YEATS4: variants seen among roughly 807,000 people sequenced by gnomAD.
The protein encoded by YEATS4 is YEATS domain-containing protein 4.
Under a neutral mutation model 30.1 loss-of-function variants are expected in YEATS4, and 17 were observed. That is an observed-to-expected ratio of 0.56 (90% CI 0.39 to 0.85). The LOEUF is 0.85. Ranked by LOEUF, YEATS4 falls within the 40% of genes least tolerant of loss-of-function variation. The probability of loss-of-function intolerance (pLI) is 0.00; values close to 1 mark genes in which losing one functional copy is unlikely to be tolerated. For missense variants in YEATS4, 142 were observed against 268.3 expected, an observed-to-expected ratio of 0.53 and a Z score of 3.29; for synonymous variants, 85 against 87.5, an observed-to-expected ratio of 0.97 and a Z score of 0.16.
At chr12:69,364,313 A>G (rs560219364) in intron 2 of YEATS4, 2 of 267,486 alleles carry the variant, frequency 7.5e-6, no homozygotes, top group Admixed American at 4.8e-5. Flanking sequence ...TCATTATAGT[A>G]AGATTCCAGT....
chr12:69,400,360 C>T, the YEATS4 span, among the ~76,000 whole-genome samples: 2 of 151,930 alleles, frequency 1.3e-5, no homozygotes, highest in African/African-American at 2.4e-5. Context: ...GTTTCCATTA[C>T]ATATCTAATA....
chr12:69,419,504 G>A, the YEATS4 span, among the ~76,000 whole-genome samples: 1 of 152,116 alleles, frequency 6.6e-6, no homozygotes, highest in Admixed American at 6.5e-5. Flanking sequence ...TTACAGGTGT[G>A]AGCCACCACC....
chr12:69,367,187 C>T (rs529547560), intron 4 of YEATS4, among the ~76,000 whole-genome samples: 16 of 152,254 alleles, frequency 1.1e-4, no homozygotes, highest in South Asian at 6.2e-4. Context: ...AGCTGTACTT[C>T]GTTACGCTTC....
chr12:69,421,299 A>G, the YEATS4 span, among the ~76,000 whole-genome samples: 1 of 152,262 alleles, frequency 6.6e-6, no homozygotes, highest in Non-Finnish European at 1.5e-5. Context: ...TGAGAAGGTT[A>G]TCAATGAACA....
At chr12:69,383,250 CAAG>C (rs1019041710) in intron 6 of YEATS4, among the ~76,000 whole-genome samples, 6 of 151,388 alleles carry the variant, frequency 4.0e-5, no homozygotes, top group African/African-American at 1.5e-4. Flanking sequence ...AACAATACAA[CAAG>C]ATTCTGTCTC....
the YEATS4 span, among the ~76,000 whole-genome samples, chr12:69,398,428 T>C: frequency 6.6e-6 from 1 of 151,886 alleles, no homozygotes; most frequent in South Asian, 2.1e-4. Context: ...AATCTGAAAA[T>C]AAAAATTTTA....
At chr12:69,364,232 C>T (rs1042957424) in intron 2 of YEATS4, 5 of 438,508 alleles carry the variant, frequency 1.1e-5, no homozygotes, top group East Asian at 1.5e-4. Flanking sequence ...GCGGGAGGAT[C>T]GCTTGAGCCC....
chr12:69,376,785 C>A (rs1875891087), intron 6 of YEATS4, among the ~76,000 whole-genome samples: 1 of 151,994 alleles, frequency 6.6e-6, no homozygotes, highest in South Asian at 2.1e-4. Flanking sequence ...GGTATTAGTT[C>A]TTCTTCAAAT....
the YEATS4 span, among the ~76,000 whole-genome samples, chr12:69,425,241 C>A: frequency 6.6e-6 from 1 of 152,132 alleles, no homozygotes; most frequent in Non-Finnish European, 1.5e-5. Context: ...GTATTTATTA[C>A]AATAAATTGT....
chr12:69,362,753 A>G (rs1230114388), intron 1 of YEATS4, 35 bp from the exon 2 acceptor site: 1 of 1,528,102 alleles, frequency 6.5e-7, no homozygotes, highest in Admixed American at 1.9e-5. Context: ...CTAATGGTAC[A>G]ATATTCATTT....
downstream of YEATS4, among the ~76,000 whole-genome samples, chr12:69,391,398 C>T (rs778543987): frequency 6.6e-6 from 1 of 152,156 alleles, no homozygotes; most frequent in Non-Finnish European, 1.5e-5. Context: ...TTAGCCTCTT[C>T]TGTTCAAATC....
chr12:69,390,129 A>C lies in YEATS4; in HGVS notation c.515-18A>C. 6.4e-7 allele frequency: 1 copy of C among 1,563,784 alleles called. No homozygotes were observed. On this transcript the variant is annotated intron_variant, in intron 6 of 6. Coordinates refer to ENST00000247843, the MANE Select transcript of YEATS4 (RefSeq NM_006530.4). ...CATGTGAGAAAAATACTTTAGTAAA[A>C]GTATTTGTTTTCTTTAGTTGCAGAG... is the stretch of plus-strand genomic sequence containing the variant.
At chr12:69,374,842 A>G (rs1050830346) in intron 6 of YEATS4, among the ~76,000 whole-genome samples, 1 of 152,000 alleles carries the variant, frequency 6.6e-6, no homozygotes, top group Non-Finnish European at 1.5e-5. Flanking sequence ...CCCCTTTTCT[A>G]TTCGACAAAA....
chr12:69,382,248 A>T (rs957908895), intron 6 of YEATS4, among the ~76,000 whole-genome samples: 1 of 152,200 alleles, frequency 6.6e-6, no homozygotes, highest in Non-Finnish European at 1.5e-5. Flanking sequence ...GTCTTAAATC[A>T]TTAATTTGAT....
chr12:69,362,013 GTTTT>G (rs533225716), intron 1 of YEATS4, among the ~76,000 whole-genome samples: 2 of 69,078 alleles, frequency 2.9e-5, no homozygotes, highest in Admixed American at 1.6e-4. Flanking sequence ...GTGTTTGGTT[GTTTT>G]TTTTTTTTTT....
At chr12:69,387,042 T>C (rs750050342) in intron 6 of YEATS4, among the ~76,000 whole-genome samples, 1 of 152,096 alleles carries the variant, frequency 6.6e-6, no homozygotes, top group Admixed American at 6.6e-5. Context: ...TACTCACCTA[T>C]TTTCAGACCG....
intron 6 of YEATS4, among the ~76,000 whole-genome samples, chr12:69,381,768 C>T (rs977771217): frequency 5.3e-5 from 8 of 152,306 alleles, no homozygotes; most frequent in South Asian, 2.1e-4. Context: ...CCTGACTTCC[C>T]GCAACATCTC....
the YEATS4 span, among the ~76,000 whole-genome samples, chr12:69,425,744 C>T: frequency 2.0e-5 from 3 of 152,146 alleles, no homozygotes; most frequent in Non-Finnish European, 4.4e-5. Flanking sequence ...CAAAGGAGCC[C>T]ACACGTTAAG....
chr12:69,381,100 ATTT>A (rs1876057566), intron 6 of YEATS4, among the ~76,000 whole-genome samples: 1 of 152,194 alleles, frequency 6.6e-6, no homozygotes, highest in Non-Finnish European at 1.5e-5. Flanking sequence ...TCTGACCGAA[ATTT>A]ATTAGGCAGG....
Sources: gnomAD v4.1 joint callset for allele counts (sites outside exome capture counted in the v4.1 genomes callset) on GRCh38, gnomAD v4.1.1 for gene constraint, MANE v1.5 for transcripts, NCBI Gene and HGNC (gene_info 2026-07-23, HGNC 2026-07-21) for gene names.